The following RWDD1 variants were observed in gnomAD, a reference collection of about 807,000 sequenced individuals.
RWDD1 encodes RWD domain-containing protein 1.
RWDD1 carries 17 observed loss-of-function variants against 31.6 expected under a neutral mutation model. The observed-to-expected ratio is 0.54, with a 90% CI of 0.37 to 0.81. RWDD1 has a LOEUF of 0.81. Among genes scored for constraint, RWDD1 ranks in the 30% least tolerant of loss-of-function variants. The pLI is 0.00. For missense variants in RWDD1, 204 were observed against 274.5 expected, an observed-to-expected ratio of 0.74 and a Z score of 1.82; for synonymous variants, 78 against 94.2, an observed-to-expected ratio of 0.83 and a Z score of 0.99.
chr6:116,592,622 C>T (rs1232087125), intron 6 of RWDD1, among the ~76,000 whole-genome samples: 3 of 152,178 alleles, frequency 2.0e-5, no homozygotes, highest in Non-Finnish European at 4.4e-5. Context: ...TCTACCACTA[C>T]TGGAAGAGAT....
At position 116,596,211 on chromosome 6, in the gene RWDD1, ATG is replaced by A. The variant is rs1775236665; in HGVS notation, c.*3111_*3112del. ...AGCCATTGTATGATTGTGTGTCAAA[ATG>A]AGAGTCACACACTTCAAGAACTGTA... On this transcript the variant is annotated 3_prime_UTR_variant, in exon 7 of 7. Transcript: ENST00000466444. The A allele has an allele frequency of 6.6e-6, 1 of 152,244 alleles. No homozygotes were observed. 9.4% of individuals were successfully genotyped at this position (152,244 alleles called of 1,614,324 possible). A position where few individuals can be genotyped will look rare whatever the true frequency, so the allele number is the denominator to read the frequency against.
At chr6:116,576,237 G>A (rs1463554221) in intron 1 of RWDD1, among the ~76,000 whole-genome samples, 2 of 152,098 alleles carry the variant, frequency 1.3e-5, no homozygotes, top group African/African-American at 4.8e-5. Flanking sequence ...CCTTATAATT[G>A]TAAAACAAAC....
At chr6:116,592,604 T>C (rs1275608879) in intron 6 of RWDD1, among the ~76,000 whole-genome samples, 6 of 152,234 alleles carry the variant, frequency 3.9e-5, no homozygotes, top group Non-Finnish European at 8.8e-5. Context: ...GCTTTAACGA[T>C]GTGCTTATCT....
intron 1 of RWDD1, among the ~76,000 whole-genome samples, chr6:116,577,019 G>C (rs1405218084): frequency 6.6e-6 from 1 of 152,172 alleles, no homozygotes; most frequent in African/African-American, 2.4e-5. Flanking sequence ...TGTAGACACT[G>C]CCACATCAGA....
chr6:116,581,932 CATACTT>C (rs1217351343), intron 2 of RWDD1, among the ~76,000 whole-genome samples: 3 of 151,900 alleles, frequency 2.0e-5, no homozygotes, highest in Non-Finnish European at 4.4e-5. Context: ...TAAACAGTGA[CATACTT>C]ATAAAGTGGA....
At chr6:116,572,967 T>A (rs1208321606) in intron 1 of RWDD1, 2 of 985,192 alleles carry the variant, frequency 2.0e-6, no homozygotes, top group Non-Finnish European at 2.4e-6. Context: ...AAGAGGGGTT[T>A]GAGAGTGTCA....
intron 1 of RWDD1, among the ~76,000 whole-genome samples, chr6:116,574,902 G>A (rs1041529734): frequency 1.3e-5 from 2 of 151,798 alleles, no homozygotes; most frequent in African/African-American, 4.8e-5. Context: ...CAGAGTAGCT[G>A]GGATTACAGG....
chr6:116,588,697 T>C (rs1194477818), intron 3 of RWDD1, 145 bp from the exon 4 acceptor site: 2 of 333,936 alleles, frequency 6.0e-6, no homozygotes, highest in Non-Finnish European at 1.0e-5. Context: ...TTAAATAAGA[T>C]ATTATTATTT....
At chr6:116,579,709 A>T (rs1774914594) in intron 1 of RWDD1, among the ~76,000 whole-genome samples, 1 of 152,216 alleles carries the variant, frequency 6.6e-6, no homozygotes, top group Non-Finnish European at 1.5e-5. Flanking sequence ...TCTGATGTTT[A>T]CATTCATAGC....
intron 1 of RWDD1, among the ~76,000 whole-genome samples, chr6:116,574,651 T>A (rs959087613): frequency 1.2e-5 from 1 of 84,876 alleles, no homozygotes. Context: ...CAACTTACTT[T>A]CTTTCTTTCT....
chr6:116,580,212 A>C (rs555530755), intron 1 of RWDD1, 83 bp from the exon 2 acceptor site: 2 of 890,358 alleles, frequency 2.2e-6, no homozygotes, highest in African/African-American at 3.4e-5. Flanking sequence ...AGTTTCTAGG[A>C]CTGGGTACTG....
At chr6:116,576,465 A>G (rs1400636592) in intron 1 of RWDD1, among the ~76,000 whole-genome samples, 1 of 152,074 alleles carries the variant, frequency 6.6e-6, no homozygotes. Context: ...TTTTGTTCCC[A>G]TGCTTGTATT....
chr6:116,578,435 G>C (rs1174348314), intron 1 of RWDD1, among the ~76,000 whole-genome samples: 1 of 152,184 alleles, frequency 6.6e-6, no homozygotes, highest in Non-Finnish European at 1.5e-5. Flanking sequence ...CAAGCACAAA[G>C]TGATGCTCAG....
Position 116,593,190 on chromosome 6 carries a change from A to G in RWDD1, c.*89A>G. The G allele has an allele frequency of 7.7e-7, 1 of 1,291,120 alleles. No individual in the cohort carries two copies. The highest frequency in any genetic ancestry group is 1.8e-5 in the South Asian group (1 of 54,250). The allele number at this position is 1,291,120 out of a possible 1,614,324, so 80.0% of individuals were successfully genotyped here. A position where few individuals can be genotyped will look rare whatever the true frequency, so the allele number is the denominator to read the frequency against. On this transcript the variant is annotated 3_prime_UTR_variant, in exon 7 of 7. Coordinates refer to ENST00000466444, the MANE Select transcript of RWDD1 (RefSeq NM_015952.4). ...TATGATTTTCCTTTCTTTTTTTCTA[A>G]GAAAAAATTATTTTCAGGAGAATAT...
chr6:116,575,031 A>G (rs748964459), intron 1 of RWDD1, among the ~76,000 whole-genome samples: 1 of 151,780 alleles, frequency 6.6e-6, no homozygotes, highest in Non-Finnish European at 1.5e-5. Flanking sequence ...CCAACTCCCA[A>G]AGTGCTGGGG....
intron 3 of RWDD1, 151 bp downstream of exon 3, chr6:116,585,008 G>T: frequency 1.5e-6 from 1 of 667,308 alleles, no homozygotes; most frequent in East Asian, 2.9e-5. Flanking sequence ...CTTTATTTTT[G>T]TTTCCTACTG....
chr6:116,594,500 C>T lies in RWDD1; in HGVS notation c.*1399C>T, dbSNP rs978178066. 6.6e-6 allele frequency: 1 copy of T among 152,188 alleles called. No homozygotes were observed. The highest frequency in any genetic ancestry group is 6.5e-5 in the Admixed American group (1 of 15,278). 9.4% of individuals were successfully genotyped at this position (152,188 alleles called of 1,614,324 possible). On this transcript the variant is annotated 3_prime_UTR_variant, in exon 7 of 7. Transcript: ENST00000466444. ...ACTGGTTCTACAGATTATTCTGATG[C>T]ACAATCTGGGTTAAGAACCACTGTC...
At chr6:116,590,540 T>A in intron 5 of RWDD1, 136 bp downstream of exon 5, 2 of 1,099,052 alleles carry the variant, frequency 1.8e-6, no homozygotes, top group Non-Finnish European at 2.5e-6. Flanking sequence ...AAAACATATC[T>A]ACCAGATGAT....
intron 1 of RWDD1, among the ~76,000 whole-genome samples, chr6:116,579,228 T>C (rs753578733): frequency 7.9e-5 from 12 of 152,224 alleles, no homozygotes; most frequent in Non-Finnish European, 1.6e-4. Flanking sequence ...AGTTCCCAGG[T>C]AGGAAAAGTT....
Sources: gnomAD v4.1 joint callset for allele counts (sites outside exome capture counted in the v4.1 genomes callset) on GRCh38, gnomAD v4.1.1 for gene constraint, MANE v1.5 for transcripts, NCBI Gene and HGNC (gene_info 2026-07-23, HGNC 2026-07-21) for gene names.